The following EVC2 variants were observed in gnomAD, a reference collection of about 807,000 sequenced individuals.
EVC2 encodes the protein limbin.
A neutral mutation model predicts 149.3 loss-of-function variants in EVC2; 148 were observed. The ratio of observed to expected loss-of-function variants is 0.99; its 90% CI spans 0.87 to 1.14. The LOEUF is 1.14. Among genes scored for constraint, EVC2 ranks in the 50% most tolerant of loss-of-function variants. The pLI is 0.00. For missense variants in EVC2, 1,854 were observed against 1,627.3 expected, an observed-to-expected ratio of 1.14 and a Z score of -2.40; for synonymous variants, 776 against 649.9, an observed-to-expected ratio of 1.19 and a Z score of -2.95.
At chr4:5,541,115 G>T (rs535581592), downstream of EVC2, among the ~76,000 whole-genome samples, 5 of 152,204 alleles carry the variant, frequency 3.3e-5, no homozygotes, top group Non-Finnish European at 7.3e-5. Flanking sequence ...TGATAACATT[G>T]CTCTGTAAGA....
intron 21 of EVC2, among the ~76,000 whole-genome samples, chr4:5,550,009 T>TGCCATGATTGTGAAGCCTCCCCA (rs1411196009): frequency 1.3e-5 from 2 of 152,218 alleles, no homozygotes; most frequent in African/African-American, 4.8e-5. Flanking sequence ...CCTTGCTTTC[T>TGCCATGATTGTGAAGCCTCCCCA]GCCATGATTG....
At chr4:5,546,573 G>C (rs990301686) in intron 21 of EVC2, among the ~76,000 whole-genome samples, 2 of 152,054 alleles carry the variant, frequency 1.3e-5, no homozygotes, top group Non-Finnish European at 2.9e-5. Flanking sequence ...TGTGGGGTGG[G>C]GGGATGGGGC....
chr4:5,565,698 T>A (rs942292249), intron 20 of EVC2, among the ~76,000 whole-genome samples: 7 of 150,590 alleles, frequency 4.6e-5, no homozygotes, highest in Non-Finnish European at 8.9e-5. Context: ...AAGAATAGAA[T>A]CTTTAAGTGA....
chr4:5,591,545 C>T (rs945160073), intron 16 of EVC2, among the ~76,000 whole-genome samples: 7 of 152,060 alleles, frequency 4.6e-5, no homozygotes, highest in Non-Finnish European at 5.9e-5. Flanking sequence ...AATGAGAAGG[C>T]CGTAAGGAAA....
intron 16 of EVC2, among the ~76,000 whole-genome samples, chr4:5,591,852 C>A (rs1712831260): frequency 6.6e-6 from 1 of 152,160 alleles, no homozygotes; most frequent in Non-Finnish European, 1.5e-5. Flanking sequence ...GAGAATAATA[C>A]AAATTCATTT....
At chr4:5,587,459 T>A (rs894469470) in intron 16 of EVC2, among the ~76,000 whole-genome samples, 1 of 152,246 alleles carries the variant, frequency 6.6e-6, no homozygotes, top group African/African-American at 2.4e-5. Flanking sequence ...TATGGCTGCA[T>A]CATATTCCAT....
At chr4:5,603,454 G>T (rs1241750536) in intron 16 of EVC2, among the ~76,000 whole-genome samples, 4 of 152,110 alleles carry the variant, frequency 2.6e-5, no homozygotes, top group Non-Finnish European at 5.9e-5. Flanking sequence ...GCTCTTTAAG[G>T]ACTATCAGGG....
At chr4:5,689,401 A>T in intron 4 of EVC2, 58 bp from the exon 5 acceptor site, 1 of 1,577,496 alleles carries the variant, frequency 6.3e-7, no homozygotes, top group Non-Finnish European at 8.7e-7. Flanking sequence ...GCTTCCTAAA[A>T]TGGGGCATGA....
At chr4:5,601,217 C>T (rs530807228) in intron 16 of EVC2, among the ~76,000 whole-genome samples, 8 of 152,156 alleles carry the variant, frequency 5.3e-5, no homozygotes, top group African/African-American at 1.4e-4. Context: ...ATCATCAGAC[C>T]ACCAAAGATG....
At chr4:5,601,329 T>C (rs1020084528) in intron 16 of EVC2, among the ~76,000 whole-genome samples, 1 of 152,074 alleles carries the variant, frequency 6.6e-6, no homozygotes, top group Admixed American at 6.6e-5. Flanking sequence ...TATAACAAGT[T>C]ATAGCAGCCT....
chr4:5,660,589 G>A (rs1181808079), intron 9 of EVC2, among the ~76,000 whole-genome samples: 1 of 152,162 alleles, frequency 6.6e-6, no homozygotes, highest in African/African-American at 2.4e-5. Context: ...ATTCTCTTGA[G>A]AAAGACTCAA....
chr4:5,569,943 G>A lies in EVC2; in HGVS notation c.3361-1303C>T, dbSNP rs1722549439. On this transcript the variant is annotated intron_variant, in intron 19 of 21. Transcript: ENST00000344408. This position sits in a 1 kb window ranked among gnomAD's most constrained non-coding sequence, Gnocchi z 4.8. Reference sequence around the variant, plus strand: ...TTCCCTGACCGTCCTGCTCGCCCAGGCCACTGAGCCCTTACCCATGAGCTT... The same window carrying A: ...TTCCCTGACCGTCCTGCTCGCCCAGACCACTGAGCCCTTACCCATGAGCTT... Among the ~76,000 whole-genome samples, 1 of 152,072 alleles carries A rather than the reference G, an allele frequency of 6.6e-6. No homozygotes were observed. The highest frequency in any genetic ancestry group is 2.4e-5 in the African/African-American group (1 of 41,416).
At chr4:5,703,503 C>A in intron 1 of EVC2, among the ~76,000 whole-genome samples, 1 of 152,176 alleles carries the variant, frequency 6.6e-6, no homozygotes. Context: ...GTGTCCACAG[C>A]TAGTAAACAG....
chr4:5,663,038 G>C, intron 9 of EVC2, 69 bp downstream of exon 9: 1 of 1,583,048 alleles, frequency 6.3e-7, no homozygotes, highest in Admixed American at 1.7e-5. Context: ...CTCAGCATTT[G>C]GCCTTATGTC....
At chr4:5,580,082 C>T (rs1002065587) in intron 17 of EVC2, among the ~76,000 whole-genome samples, 1 of 152,158 alleles carries the variant, frequency 6.6e-6, no homozygotes, top group Non-Finnish European at 1.5e-5. Flanking sequence ...ATGAGGTGCA[C>T]TTGATATAGT....
chr4:5,553,246 TG>T (rs1168810440), intron 21 of EVC2, among the ~76,000 whole-genome samples: 1 of 152,092 alleles, frequency 6.6e-6, no homozygotes, highest in East Asian at 1.9e-4. Flanking sequence ...GTGGAGTTGG[TG>T]GGGGGTGGGT....
intron 2 of EVC2, among the ~76,000 whole-genome samples, 153 bp from the exon 3 acceptor site, chr4:5,694,654 CTT>C (rs1721350805): frequency 6.6e-6 from 1 of 152,180 alleles, no homozygotes; most frequent in African/African-American, 2.4e-5. Flanking sequence ...GATATCATCT[CTT>C]TGCCAGGAAA....
At chr4:5,688,378 C>T (rs1720864799) in intron 5 of EVC2, among the ~76,000 whole-genome samples, 1 of 152,138 alleles carries the variant, frequency 6.6e-6, no homozygotes, top group Non-Finnish European at 1.5e-5. Flanking sequence ...GCCACACTGC[C>T]TGAGCTTGAC....
chr4:5,689,430 AG>A, intron 4 of EVC2, 87 bp from the exon 5 acceptor site: 2 of 1,338,424 alleles, frequency 1.5e-6, no homozygotes, highest in South Asian at 2.4e-5. Flanking sequence ...TGTGCACATT[AG>A]GCATCCAGGA....
Sources: allele counts gnomAD v4.1 joint callset (sites outside exome capture counted in the v4.1 genomes callset), GRCh38; gene constraint gnomAD v4.1.1; non-coding constraint Gnocchi (gnomAD v3.1); transcripts MANE v1.5; gene names NCBI Gene and HGNC (gene_info 2026-07-23, HGNC 2026-07-21).